PCSK6: variants seen among roughly 807,000 people sequenced by gnomAD.
The protein encoded by PCSK6 is paired basic amino acid cleaving enzyme 4.
A neutral mutation model predicts 123.3 loss-of-function variants in PCSK6; 85 were observed. That is an observed-to-expected ratio of 0.69 (90% CI 0.58 to 0.83). The LOEUF (loss-of-function observed/expected upper bound fraction) is 0.83, where lower values mean the gene tolerates loss of function less well. Among genes scored for constraint, PCSK6 ranks in the 40% least tolerant of loss-of-function variants. The probability of loss-of-function intolerance (pLI) is 0.00; values close to 1 mark genes in which losing one functional copy is unlikely to be tolerated. For missense variants in PCSK6, 1,191 were observed against 1,282.3 expected, an observed-to-expected ratio of 0.93 and a Z score of 1.09; for synonymous variants, 508 against 516.0, an observed-to-expected ratio of 0.98 and a Z score of 0.21.
intron 6 of PCSK6, among the ~76,000 whole-genome samples, chr15:101,414,754 A>AGATGGATG (rs199903117): frequency 6.6e-6 from 1 of 152,028 alleles, no homozygotes; most frequent in Admixed American, 6.5e-5. Context: ...ATGGACGGAC[A>AGATGGATG]GATGGATGGA....
intron 20 of PCSK6, chr15:101,308,175 C>T (rs1004116451): frequency 4.6e-5 from 7 of 152,304 alleles, no homozygotes; most frequent in African/African-American, 1.7e-4. Context: ...CGTGAGTGCA[C>T]CCCGGCTATG....
chr15:101,312,434 G>C (rs138530474), intron 20 of PCSK6: 1 of 135,786 alleles, frequency 7.4e-6, no homozygotes, highest in Non-Finnish European at 1.5e-5. Flanking sequence ...CACAAGAGGA[G>C]GATATGGAGG....
At chr15:101,342,708 C>T (rs1014021887) in intron 13 of PCSK6, among the ~76,000 whole-genome samples, 3 of 152,150 alleles carry the variant, frequency 2.0e-5, no homozygotes, top group East Asian at 1.9e-4. Context: ...TGGAGACCAG[C>T]CTGGCCAACA....
intron 1 of PCSK6, among the ~76,000 whole-genome samples, chr15:101,462,523 T>G (rs977476496): frequency 6.6e-5 from 10 of 152,162 alleles, no homozygotes; most frequent in Non-Finnish European, 1.5e-5. Context: ...CAAGCCTTAT[T>G]ATGAAGATAC....
rs527255336 is a variant in PCSK6 at position 101,419,811 on chromosome 15, C to T, written c.823+8081G>A. On this transcript the variant is annotated intron_variant, in intron 6 of 21. Coordinates refer to ENST00000611716, the MANE Select transcript of PCSK6 (RefSeq NM_002570.5). ...GGGATCTAGGATGTGATGAGGGCCA[C>T]GTGTGGCAATCACCAAATATTGATT... Among the ~76,000 whole-genome samples the T allele has an allele frequency of 3.3e-5, 5 of 152,076 alleles. No homozygotes were observed. The South Asian group carries it at 8.3e-4, about 25-fold the overall frequency.
At chr15:101,487,383 C>T (rs899886626) in intron 1 of PCSK6, among the ~76,000 whole-genome samples, 8 of 152,228 alleles carry the variant, frequency 5.3e-5, no homozygotes, top group East Asian at 1.9e-4. Flanking sequence ...ATCCTGGGTA[C>T]GGAGTGTGCA....
chr15:101,455,212 C>G (rs1051286019), intron 1 of PCSK6, among the ~76,000 whole-genome samples: 4 of 152,208 alleles, frequency 2.6e-5, no homozygotes, highest in Non-Finnish European at 5.9e-5. Context: ...TCCCACCTCT[C>G]TTGTGTCACT....
At chr15:101,372,169 GAAGAAAC>G (rs2041605006) in intron 11 of PCSK6, among the ~76,000 whole-genome samples, 1 of 152,120 alleles carries the variant, frequency 6.6e-6, no homozygotes, top group African/African-American at 2.4e-5. Flanking sequence ...ATCTGCAGCT[GAAGAAAC>G]ATGGCATTCT....
chr15:101,329,945 G>A (rs1403325319), intron 15 of PCSK6, among the ~76,000 whole-genome samples: 1 of 152,216 alleles, frequency 6.6e-6, no homozygotes, highest in Non-Finnish European at 1.5e-5. Context: ...AAGAGTGGTT[G>A]CTACAGGTGC....
chr15:101,453,274 G>A (rs1046077809), intron 1 of PCSK6, among the ~76,000 whole-genome samples: 2 of 152,198 alleles, frequency 1.3e-5, no homozygotes, highest in African/African-American at 2.4e-5. Flanking sequence ...GCTGCTTGAG[G>A]CCTGGCCCTG....
chr15:101,444,960 G>A (rs939255916), intron 1 of PCSK6, among the ~76,000 whole-genome samples: 4 of 152,172 alleles, frequency 2.6e-5, no homozygotes, highest in Non-Finnish European at 5.9e-5. Flanking sequence ...TCTCCTTTCC[G>A]GCAACCCTGG....
chr15:101,464,979 G>A (rs867603661), intron 1 of PCSK6, among the ~76,000 whole-genome samples: 2 of 152,042 alleles, frequency 1.3e-5, no homozygotes, highest in Non-Finnish European at 2.9e-5. Context: ...TACTTGACTC[G>A]CAGGACCTGG....
chr15:101,426,364 G>A (rs2056254529), intron 6 of PCSK6, among the ~76,000 whole-genome samples: 1 of 152,210 alleles, frequency 6.6e-6, no homozygotes, highest in Admixed American at 6.5e-5. Flanking sequence ...AGTGAGTGGT[G>A]GGAATGGAAC....
At chr15:101,488,097 G>A (rs1187704713) in intron 1 of PCSK6, among the ~76,000 whole-genome samples, 1 of 152,142 alleles carries the variant, frequency 6.6e-6, no homozygotes, top group African/African-American at 2.4e-5. Context: ...TCAACGTGGG[G>A]CTTGGGATGC....
At chr15:101,402,664 G>GA (rs1447314142) in intron 6 of PCSK6, among the ~76,000 whole-genome samples, 2 of 152,182 alleles carry the variant, frequency 1.3e-5, no homozygotes, top group Non-Finnish European at 2.9e-5. Context: ...AAAGACACAT[G>GA]AAAAAATGCT....
intron 13 of PCSK6, among the ~76,000 whole-genome samples, chr15:101,358,854 C>T (rs746048332): frequency 6.6e-6 from 1 of 152,236 alleles, no homozygotes; most frequent in African/African-American, 2.4e-5. Flanking sequence ...GAACAACAAG[C>T]TCAGAGGCTG....
At chr15:101,362,695 C>G (rs1280876770) in intron 13 of PCSK6, among the ~76,000 whole-genome samples, 2 of 152,206 alleles carry the variant, frequency 1.3e-5, no homozygotes, top group Non-Finnish European at 2.9e-5. Flanking sequence ...CCCACCGCAA[C>G]CCAGTAACTT....
At chr15:101,452,226 T>G (rs563379664) in intron 1 of PCSK6, among the ~76,000 whole-genome samples, 1 of 152,334 alleles carries the variant, frequency 6.6e-6, no homozygotes, top group South Asian at 2.1e-4. Flanking sequence ...TCTCTTCCCT[T>G]AAGTCGCCAA....
At chr15:101,463,427 A>G (rs2057383183) in intron 1 of PCSK6, among the ~76,000 whole-genome samples, 10 of 152,078 alleles carry the variant, frequency 6.6e-5, no homozygotes, top group Admixed American at 6.5e-4. Context: ...CAAGCGTTGC[A>G]ACAATTCTGC....
Sources: allele counts gnomAD v4.1 joint callset (sites outside exome capture counted in the v4.1 genomes callset), GRCh38; gene constraint gnomAD v4.1.1; transcripts MANE v1.5; gene names NCBI Gene and HGNC (gene_info 2026-07-23, HGNC 2026-07-21).